The following SMYD3 variants were observed in gnomAD, a reference collection of about 807,000 sequenced individuals.
The protein encoded by SMYD3 is histone-lysine N-methyltransferase SMYD3.
SMYD3 carries 36 observed loss-of-function variants against 57.7 expected under a neutral mutation model. That is an observed-to-expected ratio of 0.62 (90% CI 0.48 to 0.82). The LOEUF (loss-of-function observed/expected upper bound fraction) is 0.82, where lower values mean the gene tolerates loss of function less well. SMYD3 is among the 40% of genes least tolerant of loss of function. The probability of loss-of-function intolerance (pLI) is 0.00; values close to 1 mark genes in which losing one functional copy is unlikely to be tolerated. For synonymous variants in SMYD3, 211 were observed against 195.0 expected, an observed-to-expected ratio of 1.08 and a Z score of -0.68; for missense variants, 515 against 538.8, an observed-to-expected ratio of 0.96 and a Z score of 0.44.
rs1049309862 is a variant in SMYD3 at position 245,937,973 on chromosome 1, G to A, written c.532-8036C>T. Among the ~76,000 whole-genome samples, 27 of 152,242 alleles carry A rather than the reference G, an allele frequency of 1.8e-4. 1 individual carries two copies. The highest frequency in any genetic ancestry group is 5.2e-4 in the Admixed American group (8 of 15,288). On this transcript the variant is annotated intron_variant, in intron 5 of 11. Transcript: ENST00000490107. ...TGTGGCTCAAGTTATCTGTTTTTCC[G>A]TCAAATTAATGGAGAAAAGGAAACT... is the stretch of plus-strand genomic sequence containing the variant.
chr1:246,281,577 T>C (rs2064442913), intron 5 of SMYD3, among the ~76,000 whole-genome samples: 1 of 152,220 alleles, frequency 6.6e-6, no homozygotes. Context: ...AATTACGTTA[T>C]TGTCATCTCT....
intron 5 of SMYD3, among the ~76,000 whole-genome samples, chr1:246,279,294 G>C (rs1039681255): frequency 1.3e-5 from 2 of 152,200 alleles, no homozygotes; most frequent in African/African-American, 2.4e-5. Flanking sequence ...GCTGAGGCGG[G>C]TGGATCACCT....
At chr1:246,039,737 T>C (rs1443803539) in intron 5 of SMYD3, among the ~76,000 whole-genome samples, 1 of 152,124 alleles carries the variant, frequency 6.6e-6, no homozygotes, top group Non-Finnish European at 1.5e-5. Context: ...GGGAGAATCA[T>C]CCAGAGAAAA....
intron 5 of SMYD3, among the ~76,000 whole-genome samples, chr1:246,025,569 G>A (rs1272314247): frequency 3.3e-5 from 5 of 152,062 alleles, no homozygotes; most frequent in African/African-American, 4.8e-5. Context: ...AAAAAGCTGC[G>A]TCCTATACAC....
At chr1:245,988,817 G>A (rs10802307) in intron 5 of SMYD3, among the ~76,000 whole-genome samples, 151,890 of 152,328 alleles carry the variant, frequency 1, 75,730 homozygotes, top group Middle Eastern at 1. Context: ...GAACTCAAAG[G>A]CTTTTTTTGT....
chr1:246,326,293 A>AATGTGAG, intron 5 of SMYD3: 1 of 621,900 alleles, frequency 1.6e-6, no homozygotes, highest in Non-Finnish European at 2.9e-6. Flanking sequence ...GCAAACACAC[A>AATGTGAG]ATGTGAGAAA....
intron 5 of SMYD3, among the ~76,000 whole-genome samples, chr1:246,316,325 C>A (rs1278455197): frequency 6.6e-6 from 1 of 150,688 alleles, no homozygotes; most frequent in Admixed American, 6.6e-5. Context: ...AGTTTGAGGT[C>A]AGCCTGGGCA....
chr1:245,793,191 C>T (rs556861525), intron 10 of SMYD3, among the ~76,000 whole-genome samples: 41 of 151,392 alleles, frequency 2.7e-4, no homozygotes, highest in Middle Eastern at 3.4e-3. Flanking sequence ...TGCCTGTAGT[C>T]CCAGCTACTC....
At chr1:245,886,722 C>T (rs4451526) in intron 8 of SMYD3, among the ~76,000 whole-genome samples, 151,951 of 152,316 alleles carry the variant, frequency 1, 75,796 homozygotes, top group Middle Eastern at 1. Context: ...TTTCCTTGCC[C>T]GATATTTGAA....
At chr1:246,402,948 G>C (rs1291486154) in intron 1 of SMYD3, among the ~76,000 whole-genome samples, 1 of 152,114 alleles carries the variant, frequency 6.6e-6, no homozygotes, top group Admixed American at 6.5e-5. Flanking sequence ...ATGCACTGGT[G>C]GTAGTCAAAA....
chr1:245,868,892 G>A (rs1411055452), intron 8 of SMYD3, among the ~76,000 whole-genome samples: 1 of 152,148 alleles, frequency 6.6e-6, no homozygotes, highest in Non-Finnish European at 1.5e-5. Flanking sequence ...TTGCACAGGT[G>A]TATAAACAGG....
chr1:245,904,142 C>A lies in SMYD3; in HGVS notation c.813+11388G>T, dbSNP rs894376981. ...TGAATTGTAATCCCCATAATTCTCA[C>A]AGGTCAAGGGAAGAACCTGGTGGGA... On this transcript the variant is annotated intron_variant, in intron 8 of 11. Transcript: ENST00000490107. Among the ~76,000 whole-genome samples, 3 of 152,150 alleles carry A rather than the reference C, an allele frequency of 2.0e-5. No homozygotes were observed. The East Asian group carries it at 5.8e-4, about 29-fold the overall frequency.
At chr1:246,127,047 A>G (rs2061520453) in intron 5 of SMYD3, among the ~76,000 whole-genome samples, 1 of 152,138 alleles carries the variant, frequency 6.6e-6, no homozygotes. Context: ...AACCGTAGAG[A>G]GCGGATTCCA....
chr1:246,120,371 C>A (rs1030627403), intron 5 of SMYD3, among the ~76,000 whole-genome samples: 2 of 152,114 alleles, frequency 1.3e-5, no homozygotes, highest in African/African-American at 4.8e-5. Flanking sequence ...TGCCTGAAAC[C>A]AGACCTTAAT....
intron 5 of SMYD3, among the ~76,000 whole-genome samples, chr1:246,164,806 T>C (rs535655055): frequency 5.2e-4 from 79 of 152,338 alleles, no homozygotes; most frequent in African/African-American, 1.8e-3. Context: ...GTATCAATCA[T>C]GGAAAACATC....
At chr1:246,354,738 T>C (rs1000498114) in intron 2 of SMYD3, among the ~76,000 whole-genome samples, 1 of 152,112 alleles carries the variant, frequency 6.6e-6, no homozygotes, top group African/African-American at 2.4e-5. Context: ...TAACAGTGAT[T>C]GCCTGTGGAA....
chr1:245,963,511 A>C (rs2058063178), intron 5 of SMYD3, among the ~76,000 whole-genome samples: 1 of 151,896 alleles, frequency 6.6e-6, no homozygotes. Flanking sequence ...CATGGGGAGT[A>C]GGGAGGGATA....
chr1:246,243,575 C>T (rs2063653561), intron 5 of SMYD3, among the ~76,000 whole-genome samples: 1 of 151,792 alleles, frequency 6.6e-6, no homozygotes, highest in Admixed American at 6.6e-5. Flanking sequence ...TTTCTAATTT[C>T]CCAAATTATC....
chr1:246,053,917 T>C (rs1247800036), intron 5 of SMYD3, among the ~76,000 whole-genome samples: 1 of 151,978 alleles, frequency 6.6e-6, no homozygotes. Context: ...AAAGTAAAAA[T>C]TGATCAAATG....
Sources: allele counts gnomAD v4.1 joint callset (sites outside exome capture counted in the v4.1 genomes callset), GRCh38; gene constraint gnomAD v4.1.1; transcripts MANE v1.5; gene names NCBI Gene and HGNC (gene_info 2026-07-23, HGNC 2026-07-21).